The following AAK1 variants were observed in gnomAD, a reference collection of about 807,000 sequenced individuals.
AAK1 encodes AP2 associated kinase 1, also known as AP2-associated protein kinase 1.
A neutral mutation model predicts 116.0 loss-of-function variants in AAK1; 37 were observed. The ratio of observed to expected loss-of-function variants is 0.32; its 90% CI spans 0.25 to 0.42. The LOEUF (loss-of-function observed/expected upper bound fraction) is 0.42. Among genes scored for constraint, AAK1 ranks in the 10% least tolerant of loss-of-function variants. The pLI is 1.00. For missense variants in AAK1, 919 were observed against 1,170.6 expected, an observed-to-expected ratio of 0.79 and a Z score of 3.14; for synonymous variants, 458 against 439.9, an observed-to-expected ratio of 1.04 and a Z score of -0.51.
At chr2:69,558,821 C>G (rs1414395945) in intron 2 of AAK1, among the ~76,000 whole-genome samples, 1 of 152,178 alleles carries the variant, frequency 6.6e-6, no homozygotes, top group Non-Finnish European at 1.5e-5. Context: ...AATAAAGCCT[C>G]GGGTCCTGAT....
chr2:69,551,484 C>A (rs1671181648), intron 3 of AAK1, among the ~76,000 whole-genome samples: 1 of 152,182 alleles, frequency 6.6e-6, no homozygotes, highest in Admixed American at 6.5e-5. Context: ...TATCTTCCAC[C>A]CTTTGTAGAA....
intron 2 of AAK1, among the ~76,000 whole-genome samples, chr2:69,630,284 C>G (rs1675104655): frequency 6.9e-6 from 1 of 144,330 alleles, no homozygotes; most frequent in African/African-American, 2.6e-5. Context: ...ATTTCTCTTT[C>G]TCTTCTCCCT....
rs546276932 is a variant in AAK1, at chr2:69,459,225, C to G, written c.*16644G>C. ...CCTTCCTTCATCCTTTCTTCTAGTT[C>G]ATAATAGGGAAGGTGAGCCATTTCA... On this transcript the variant is annotated 3_prime_UTR_variant, in exon 22 of 22. Transcript: ENST00000409085. 1 of 152,148 alleles carries G rather than the reference C, an allele frequency of 6.6e-6. No individual in the cohort carries two copies. The highest frequency in any genetic ancestry group is 1.5e-5 in the Non-Finnish European group (1 of 68,046). 9.4% of individuals were successfully genotyped at this position (152,148 alleles called of 1,614,324 possible). A position where few individuals can be genotyped will look rare whatever the true frequency, so the allele number is the denominator to read the frequency against.
At chr2:69,515,747 C>T (rs923028481) in intron 12 of AAK1, among the ~76,000 whole-genome samples, 1 of 152,052 alleles carries the variant, frequency 6.6e-6, no homozygotes, top group Non-Finnish European at 1.5e-5. Context: ...CTTTGAACAT[C>T]CCGTATACTT....
chr2:69,582,718 CACAA>C (rs1330753837), intron 2 of AAK1, among the ~76,000 whole-genome samples: 1 of 152,280 alleles, frequency 6.6e-6, no homozygotes, highest in African/African-American at 2.4e-5. Flanking sequence ...GTCCACACTC[CACAA>C]ACAGTGTCCA....
intron 17 of AAK1, among the ~76,000 whole-genome samples, chr2:69,486,484 G>A (rs903930003): frequency 4.6e-5 from 7 of 152,098 alleles, no homozygotes; most frequent in Non-Finnish European, 7.3e-5. Context: ...GTGGGAGGGA[G>A]GAGCTGCAGA....
chr2:69,467,002 T>A lies in AAK1; in HGVS notation c.*8867A>T. ...CTGGCATGTGGTCATCCGCGCCACATGCAGAGGGACAAACTCTCTGAAAAG... is the reference window on the plus strand; with the variant it reads ...CTGGCATGTGGTCATCCGCGCCACAAGCAGAGGGACAAACTCTCTGAAAAG... On this transcript the variant is annotated 3_prime_UTR_variant, in exon 22 of 22. Transcript: ENST00000409085. The A allele has an allele frequency of 1.0e-6, 1 of 985,460 alleles. No homozygotes were observed. The highest frequency in any genetic ancestry group is 1.1e-4 in the East Asian group (1 of 8,818). 61.0% of individuals were successfully genotyped at this position (985,460 alleles called of 1,614,324 possible).
chr2:69,585,151 T>C (rs959183345), intron 2 of AAK1, among the ~76,000 whole-genome samples: 2 of 152,236 alleles, frequency 1.3e-5, no homozygotes, highest in African/African-American at 4.8e-5. Flanking sequence ...TAATCGAGGA[T>C]TATAAGAAGA....
intron 2 of AAK1, among the ~76,000 whole-genome samples, chr2:69,606,779 T>C (rs557996719): frequency 1.2e-4 from 18 of 152,192 alleles, no homozygotes; most frequent in African/African-American, 4.1e-4. Context: ...AAAAAGTAGG[T>C]TAGAGGCTAG....
chr2:69,477,469 C>T (rs1284634061), intron 20 of AAK1, among the ~76,000 whole-genome samples: 1 of 152,060 alleles, frequency 6.6e-6, no homozygotes, highest in Non-Finnish European at 1.5e-5. Context: ...GCTGGAAGGA[C>T]TCACTGCACT....
In AAK1 at chr2:69,461,134, T is replaced by A. The variant is rs186535557; in HGVS notation, c.*14735A>T. The A allele has an allele frequency of 6.6e-6, 1 of 152,240 alleles. No homozygotes were observed. Among genetic ancestry groups the A allele is most frequent in the African/African-American group, 2.4e-5 (1 of 41,454 alleles). 9.4% of individuals were successfully genotyped at this position (152,240 alleles called of 1,614,324 possible). Reference sequence around the variant, plus strand: ...TTATACCATATTTTTACTGTACCTTTTCTATGTCTAAAATGTTTGGATACA... The same window carrying A: ...TTATACCATATTTTTACTGTACCTTATCTATGTCTAAAATGTTTGGATACA... On this transcript the variant is annotated 3_prime_UTR_variant, in exon 22 of 22. Transcript: ENST00000409085.
intron 2 of AAK1, among the ~76,000 whole-genome samples, chr2:69,564,466 C>A (rs1343959667): frequency 6.6e-6 from 1 of 151,974 alleles, no homozygotes; most frequent in African/African-American, 2.4e-5. Context: ...AAATTTACCC[C>A]CCAAATATTC....
rs1353946212 is a variant in AAK1 at position 69,467,785 on chromosome 2, A to G, written c.*8084T>C. 1 of 985,454 alleles carries G rather than the reference A, an allele frequency of 1.0e-6. No individual in the cohort carries two copies. The highest frequency in any genetic ancestry group is 1.2e-6 in the Non-Finnish European group (1 of 829,932). 61.0% of individuals were successfully genotyped at this position (985,454 alleles called of 1,614,324 possible). A position where few individuals can be genotyped will look rare whatever the true frequency, so the allele number is the denominator to read the frequency against. ...AATTAAGCACACAGACCACAGCAGA[A>G]GAGGCATTAAAATCAGTTTATTGGG... On this transcript the variant is annotated 3_prime_UTR_variant, in exon 22 of 22. Coordinates refer to ENST00000409085, the MANE Select transcript of AAK1 (RefSeq NM_014911.5).
At chr2:69,630,215 C>T (rs1465309772) in intron 2 of AAK1, among the ~76,000 whole-genome samples, 1 of 151,984 alleles carries the variant, frequency 6.6e-6, no homozygotes, top group Non-Finnish European at 1.5e-5. Context: ...GAAAAACTCC[C>T]TGACACACAG....
chr2:69,468,897 C>T lies in AAK1; in HGVS notation c.*6972G>A, dbSNP rs2104866465. The T allele has an allele frequency of 1.0e-6, 1 of 985,406 alleles. No individual in the cohort carries two copies. Among genetic ancestry groups the T allele is most frequent in the East Asian group, 1.1e-4 (1 of 8,818 alleles). 61.0% of individuals were successfully genotyped at this position (985,406 alleles called of 1,614,324 possible). A position where few individuals can be genotyped will look rare whatever the true frequency, so the allele number is the denominator to read the frequency against. ...AACCCATTTGGAAAACCTTCCAACT[C>T]AGAGCATATTCTATGACCTTCATGA... On this transcript the variant is annotated 3_prime_UTR_variant, in exon 22 of 22. Transcript: ENST00000409085.
At chr2:69,569,004 T>G (rs1048506984) in intron 2 of AAK1, among the ~76,000 whole-genome samples, 1 of 152,100 alleles carries the variant, frequency 6.6e-6, no homozygotes, top group African/African-American at 2.4e-5. Context: ...AAACCCAGAA[T>G]CCATCCCTTC....
rs1674753291 is a variant in AAK1, at chr2:69,473,628, T to C, written c.*2241A>G. 1.0e-6 allele frequency: 1 copy of C among 983,072 alleles called. No individual in the cohort carries two copies. Among genetic ancestry groups the C allele is most frequent in the African/African-American group, 1.7e-5 (1 of 57,168 alleles). The allele number at this position is 983,072 out of a possible 1,614,324, so 60.9% of individuals were successfully genotyped here. A position where few individuals can be genotyped will look rare whatever the true frequency, so the allele number is the denominator to read the frequency against. Reference sequence around the variant, plus strand: ...TATATTTCAATGTAATTATGGGTAATATATGAAAAGAACAATTTAGAGATA... The same window carrying C: ...TATATTTCAATGTAATTATGGGTAACATATGAAAAGAACAATTTAGAGATA... On this transcript the variant is annotated 3_prime_UTR_variant, in exon 22 of 22. Coordinates refer to ENST00000409085, the MANE Select transcript of AAK1 (RefSeq NM_014911.5).
chr2:69,597,230 A>G (rs781326636), intron 2 of AAK1: 4 of 152,144 alleles, frequency 2.6e-5, no homozygotes, highest in Non-Finnish European at 5.9e-5. Flanking sequence ...TGAAAACTAC[A>G]TACAGCTAAA....
At chr2:69,526,273 T>C (rs956728301) in intron 9 of AAK1, among the ~76,000 whole-genome samples, 1 of 152,192 alleles carries the variant, frequency 6.6e-6, no homozygotes, top group African/African-American at 2.4e-5. Context: ...AAAGCCAATA[T>C]TCTGAGCTCC....
Sources: gnomAD v4.1 joint callset for allele counts (sites outside exome capture counted in the v4.1 genomes callset) on GRCh38, gnomAD v4.1.1 for gene constraint, MANE v1.5 for transcripts, NCBI Gene and HGNC (gene_info 2026-07-23, HGNC 2026-07-21) for gene names.